Variants in GABRB1 observed in about 807,000 individuals in gnomAD.
GABRB1 encodes the protein gamma-aminobutyric acid type A receptor subunit beta1, also known as gamma-aminobutyric acid receptor subunit beta-1.
GABRB1 carries 17 observed loss-of-function variants against 51.6 expected under a neutral mutation model. That is an observed-to-expected ratio of 0.33 (90% CI 0.23 to 0.49). The LOEUF is 0.49. Ranked by LOEUF, GABRB1 falls within the 20% of genes least tolerant of loss-of-function variation. The pLI, the probability that GABRB1 is intolerant of heterozygous loss-of-function variation, is 0.99. For synonymous variants in GABRB1, 247 were observed against 218.9 expected (o/e 1.13, Z -1.14); for missense variants, 410 against 600.6 (o/e 0.68, Z 3.32).
At chr4:47,256,752 T>C (rs1722217498) in intron 4 of GABRB1, among the ~76,000 whole-genome samples, 1 of 152,094 alleles carries the variant, frequency 6.6e-6, no homozygotes, top group Non-Finnish European at 1.5e-5. Context: ...TCACTCACTG[T>C]CAGAAGAACA....
At chr4:47,338,122 T>G (rs1725764880) in intron 5 of GABRB1, among the ~76,000 whole-genome samples, 3 of 152,148 alleles carry the variant, frequency 2.0e-5, no homozygotes, top group Admixed American at 1.3e-4. Flanking sequence ...TTCTTCCATA[T>G]CTCTTGGCTT....
intron 1 of GABRB1, among the ~76,000 whole-genome samples, chr4:46,998,502 G>T (rs1334074570): frequency 6.6e-6 from 1 of 152,034 alleles, no homozygotes; most frequent in Non-Finnish European, 1.5e-5. Context: ...GGAGGCCGAG[G>T]TGGGTGGATC....
At chr4:47,048,277 T>C (rs561697792) in intron 3 of GABRB1, among the ~76,000 whole-genome samples, 171 of 152,262 alleles carry the variant, frequency 1.1e-3, no homozygotes, top group Non-Finnish European at 2.1e-3. Flanking sequence ...GTCTCTCTTC[T>C]TGGAACGACT....
chr4:47,409,180 G>A (rs1304493896), intron 8 of GABRB1, among the ~76,000 whole-genome samples: 1 of 152,126 alleles, frequency 6.6e-6, no homozygotes, highest in Non-Finnish European at 1.5e-5. Flanking sequence ...TGCGACTCCC[G>A]AAGCCCCAGT....
intron 3 of GABRB1, among the ~76,000 whole-genome samples, chr4:47,076,358 C>T (rs1326672567): frequency 2.6e-5 from 4 of 152,208 alleles, no homozygotes; most frequent in Non-Finnish European, 5.9e-5. Context: ...TTTGGATATA[C>T]AGCAGCTCAG....
chr4:47,316,910 C>A (rs1724914739), intron 4 of GABRB1, among the ~76,000 whole-genome samples: 1 of 151,910 alleles, frequency 6.6e-6, no homozygotes, highest in East Asian at 1.9e-4. Context: ...AACCATAATT[C>A]TCATCATAAT....
Position 47,126,529 on chromosome 4 carries a change from A to G in GABRB1, c.241-34720A>G, listed in dbSNP as rs183500775. Reference sequence around the variant, plus strand: ...TTTAAGACACCATTTTGTACATCTTAAATATATTACAATTTTTATTTATCA... The same window carrying G: ...TTTAAGACACCATTTTGTACATCTTGAATATATTACAATTTTTATTTATCA... On this transcript the variant is annotated intron_variant, in intron 3 of 8. Coordinates refer to ENST00000295454, the MANE Select transcript of GABRB1 (RefSeq NM_000812.4). Among the ~76,000 whole-genome samples the G allele has an allele frequency of 3.1e-3, 467 of 152,234 alleles. 5 individuals are homozygous for G. The highest frequency in any genetic ancestry group is 9.9e-3 in the African/African-American group (411 of 41,564).
At chr4:47,241,819 T>C (rs1035866409) in intron 4 of GABRB1, among the ~76,000 whole-genome samples, 1 of 152,210 alleles carries the variant, frequency 6.6e-6, no homozygotes, top group African/African-American at 2.4e-5. Context: ...TTAAATCTAA[T>C]ATTCTACTTG....
chr4:47,069,321 T>C (rs958045005), intron 3 of GABRB1, among the ~76,000 whole-genome samples: 6 of 152,246 alleles, frequency 3.9e-5, no homozygotes, highest in Admixed American at 2.6e-4. Flanking sequence ...GTTGAGACTT[T>C]TATTCCTCCC....
intron 1 of GABRB1, among the ~76,000 whole-genome samples, chr4:47,013,944 G>GT (rs1036810137): frequency 1.3e-5 from 2 of 151,996 alleles, no homozygotes; most frequent in African/African-American, 4.8e-5. Context: ...TATGGTTTGT[G>GT]TTTTTTCTGT....
At chr4:47,003,738 A>C (rs1724298202) in intron 1 of GABRB1, among the ~76,000 whole-genome samples, 1 of 152,170 alleles carries the variant, frequency 6.6e-6, no homozygotes, top group African/African-American at 2.4e-5. Context: ...TACCAGAATC[A>C]GGATTGGAAT....
At chr4:47,110,155 G>C (rs965178443) in intron 3 of GABRB1, among the ~76,000 whole-genome samples, 2 of 152,106 alleles carry the variant, frequency 1.3e-5, no homozygotes, top group African/African-American at 4.8e-5. Context: ...ATCACAGCAA[G>C]ATTGTTGTGA....
In GABRB1 at chr4:47,238,007, CAATA is replaced by C. The variant is rs537902361; in HGVS notation, c.461+76544_461+76547del. 9.2e-5 allele frequency among the ~76,000 whole-genome samples: 14 copies of C among 151,612 alleles called. No homozygotes were observed. In the South Asian group the frequency reaches 2.9e-3, roughly 32 times the overall value. On this transcript the variant is annotated intron_variant, in intron 4 of 8. Transcript: ENST00000295454. ...AATTTATATTTCATATTTTGCATTG[CAATA>C]AATAACTCAATCAAAAAACATGTAA... is the stretch of plus-strand genomic sequence containing the variant.
At chr4:47,208,475 C>T (rs548115530) in intron 4 of GABRB1, among the ~76,000 whole-genome samples, 2 of 151,926 alleles carry the variant, frequency 1.3e-5, no homozygotes, top group African/African-American at 4.8e-5. Context: ...CTTTAAAATG[C>T]CTCAAATGTC....
chr4:47,371,952 T>A (rs1727213773), intron 5 of GABRB1, among the ~76,000 whole-genome samples: 2 of 152,218 alleles, frequency 1.3e-5, no homozygotes, highest in Admixed American at 6.5e-5. Flanking sequence ...ATTAGATCCA[T>A]TTGTCAATTT....
chr4:47,281,138 C>A (rs892187194), intron 4 of GABRB1, among the ~76,000 whole-genome samples: 1 of 151,986 alleles, frequency 6.6e-6, no homozygotes, highest in Non-Finnish European at 1.5e-5. Context: ...TATTTACAAA[C>A]CATTTATCTG....
intron 4 of GABRB1, among the ~76,000 whole-genome samples, chr4:47,257,779 T>C (rs1722273263): frequency 6.6e-6 from 1 of 152,034 alleles, no homozygotes; most frequent in Admixed American, 6.6e-5. Flanking sequence ...GACTTTACTT[T>C]GTTCTAAGTG....
At position 47,333,194 on chromosome 4, in the gene GABRB1, T is replaced by TA. The variant is rs1725556979; in HGVS notation, c.544+12985_544+12986insA. 1.5e-4 allele frequency among the ~76,000 whole-genome samples: 17 copies of TA among 113,178 alleles called. 1 individual carries two copies. The highest frequency in any genetic ancestry group is 4.1e-4 in the African/African-American group (13 of 31,568). The allele number at this position is 113,178 out of a possible 152,430, so 74.2% of individuals were successfully genotyped here. The stretch of plus-strand genomic sequence containing the variant: ...CATATATATTTAAAACCCATTTTAT[T>TA]TATATATATATATATATATATATAT... On this transcript the variant is annotated intron_variant, in intron 5 of 8. Transcript: ENST00000295454.
chr4:47,404,761 A>T (rs899338921), intron 7 of GABRB1, among the ~76,000 whole-genome samples: 1 of 152,180 alleles, frequency 6.6e-6, no homozygotes, highest in Non-Finnish European at 1.5e-5. Flanking sequence ...ACACATATGC[A>T]TCTGCACATA....
Sources: gnomAD v4.1 joint callset for allele counts (sites outside exome capture counted in the v4.1 genomes callset) on GRCh38, gnomAD v4.1.1 for gene constraint, MANE v1.5 for transcripts, NCBI Gene and HGNC (gene_info 2026-07-23, HGNC 2026-07-21) for gene names.